ADAMTSL1: variants seen among roughly 807,000 people sequenced by gnomAD.
ADAMTSL1 encodes ADAMTS-like protein 1.
In ADAMTSL1, 126 loss-of-function variants were observed where a neutral mutation model predicts 201.8. That is an observed-to-expected ratio of 0.62 (90% CI 0.54 to 0.72). The LOEUF is 0.72. ADAMTSL1 is among the 30% of genes least tolerant of loss of function. ADAMTSL1 has a pLI of 0.00. For synonymous variants in ADAMTSL1, 1,121 were observed against 903.4 expected (o/e 1.24, Z -4.32); for missense variants, 2,679 against 2,277.8 (o/e 1.18, Z -3.59).
At chr9:18,138,001 A>C (rs1012159377) in intron 1 of ADAMTSL1, among the ~76,000 whole-genome samples, 1 of 152,160 alleles carries the variant, frequency 6.6e-6, no homozygotes, top group African/African-American at 2.4e-5. Context: ...ACTCTCCAGA[A>C]GCCCTGAGAT....
At chr9:18,759,082 T>C (rs916853202) in intron 16 of ADAMTSL1, among the ~76,000 whole-genome samples, 3 of 152,210 alleles carry the variant, frequency 2.0e-5, no homozygotes, top group Admixed American at 1.3e-4. Flanking sequence ...ATATTGCATA[T>C]GTTTTATGTT....
intron 2 of ADAMTSL1, among the ~76,000 whole-genome samples, chr9:18,516,582 A>C (rs11792817): frequency 0.2 from 30,709 of 152,190 alleles, 3,333 homozygotes; most frequent in Middle Eastern, 0.27. Context: ...GTGGATTATT[A>C]CTTCTATTTT....
intron 1 of ADAMTSL1, among the ~76,000 whole-genome samples, chr9:18,118,344 T>G (rs1335097649): frequency 6.6e-6 from 1 of 152,192 alleles, no homozygotes; most frequent in Non-Finnish European, 1.5e-5. Flanking sequence ...CTATTTTGAT[T>G]TAAGATGCTG....
At chr9:18,818,276 G>A (rs1018950290) in intron 21 of ADAMTSL1, among the ~76,000 whole-genome samples, 10 of 150,250 alleles carry the variant, frequency 6.7e-5, no homozygotes, top group African/African-American at 2.5e-4. Context: ...CAGGTTCCCC[G>A]ATCATACCCT....
At chr9:18,552,495 A>G (rs967715422) in intron 3 of ADAMTSL1, among the ~76,000 whole-genome samples, 2 of 151,786 alleles carry the variant, frequency 1.3e-5, no homozygotes, top group African/African-American at 4.8e-5. Flanking sequence ...CCTGTTATCC[A>G]CACTTTCTTG....
Position 18,777,667 on chromosome 9 carries a change from G to T in ADAMTSL1, c.3438G>T (p.Arg1146=). The change falls in exon 19 of 29, where the codon CGG becomes CGT. Residue 1146 remains arginine (R), a synonymous_variant. Transcript: ENST00000380548. ...KHVSGFSSSL[R]TSSTGDAGGG... ...TGTCTGGCTTCAGCAGCTCCCTGCG[G>T]ACCTCCTCCACCGGGGACGCCGGGG... is the stretch of plus-strand genomic sequence containing the variant. 1 of 1,613,630 alleles carries T rather than the reference G, an allele frequency of 6.2e-7. No individual in the cohort carries two copies. Among genetic ancestry groups the T allele is most frequent in the Non-Finnish European group, 8.5e-7 (1 of 1,179,826 alleles).
At chr9:18,107,385 C>T (rs893714511) in intron 1 of ADAMTSL1, among the ~76,000 whole-genome samples, 1 of 152,170 alleles carries the variant, frequency 6.6e-6, no homozygotes, top group African/African-American at 2.4e-5. Context: ...CTTCCTCCTG[C>T]AGCAGAAGCA....
At chr9:18,287,358 T>C (rs372182546) in intron 2 of ADAMTSL1, among the ~76,000 whole-genome samples, 5 of 152,050 alleles carry the variant, frequency 3.3e-5, no homozygotes, top group Admixed American at 2.6e-4. Context: ...TACACATACA[T>C]ACATATACAC....
intron 1 of ADAMTSL1, among the ~76,000 whole-genome samples, chr9:18,004,323 G>T (rs921860915): frequency 6.6e-6 from 1 of 151,976 alleles, no homozygotes; most frequent in Non-Finnish European, 1.5e-5. Flanking sequence ...GGGAGGGAAG[G>T]GGCTTTATTT....
At chr9:18,681,699 G>GTGTGT in intron 11 of ADAMTSL1, 113 bp from the exon 12 acceptor site, 1 of 287,436 alleles carries the variant, frequency 3.5e-6, no homozygotes, top group Non-Finnish European at 5.1e-6. Flanking sequence ...TCCTCGTGTG[G>GTGTGT]GGGGGGGGGG....
chr9:18,698,336 A>G (rs1429901320), intron 13 of ADAMTSL1, among the ~76,000 whole-genome samples: 1 of 152,092 alleles, frequency 6.6e-6, no homozygotes, highest in East Asian at 1.9e-4. Context: ...GCTGGAGTGC[A>G]GTGGCATGAT....
chr9:18,722,837 A>G (rs1833477428), intron 15 of ADAMTSL1, among the ~76,000 whole-genome samples: 1 of 152,234 alleles, frequency 6.6e-6, no homozygotes, highest in South Asian at 2.1e-4. Flanking sequence ...AACAGCAGTC[A>G]ACAAGATAGA....
intron 23 of ADAMTSL1, among the ~76,000 whole-genome samples, chr9:18,836,754 G>C (rs997707883): frequency 6.6e-6 from 1 of 152,102 alleles, no homozygotes; most frequent in Non-Finnish European, 1.5e-5. Context: ...TCCATTTATG[G>C]ATGTCATCTA....
chr9:18,774,648 T>G (rs999477742), intron 17 of ADAMTSL1, among the ~76,000 whole-genome samples: 2 of 152,204 alleles, frequency 1.3e-5, no homozygotes, highest in Non-Finnish European at 1.5e-5. Context: ...GAGGTATAAT[T>G]TATATATTAT....
intron 1 of ADAMTSL1, among the ~76,000 whole-genome samples, chr9:18,108,766 A>T (rs1824872262): frequency 6.6e-6 from 1 of 152,020 alleles, no homozygotes; most frequent in African/African-American, 2.4e-5. Context: ...TTGATGAGAG[A>T]ATTAGCTCTT....
intron 2 of ADAMTSL1, among the ~76,000 whole-genome samples, chr9:18,213,122 A>T (rs962741279): frequency 2.0e-5 from 3 of 152,130 alleles, no homozygotes; most frequent in Non-Finnish European, 4.4e-5. Context: ...CACTTACCAC[A>T]TGACTTGAAA....
chr9:18,271,286 C>T (rs1274191276), intron 2 of ADAMTSL1, among the ~76,000 whole-genome samples: 1 of 152,102 alleles, frequency 6.6e-6, no homozygotes, highest in Non-Finnish European at 1.5e-5. Context: ...CACCCATTAA[C>T]TCGTCATTTA....
chr9:18,755,208 T>C (rs1819683621), intron 16 of ADAMTSL1, among the ~76,000 whole-genome samples: 1 of 152,194 alleles, frequency 6.6e-6, no homozygotes, highest in Non-Finnish European at 1.5e-5. Flanking sequence ...ACCTGATTGC[T>C]AGTGCATTTA....
intron 26 of ADAMTSL1, among the ~76,000 whole-genome samples, chr9:18,895,320 C>A (rs942047743): frequency 9.9e-5 from 15 of 152,192 alleles, no homozygotes; most frequent in African/African-American, 3.6e-4. Context: ...TATAAGTGCT[C>A]TGGAAAACAG....
Sources: gnomAD v4.1 joint callset for allele counts (sites outside exome capture counted in the v4.1 genomes callset) on GRCh38, gnomAD v4.1.1 for gene constraint, MANE v1.5 for transcripts, NCBI Gene and HGNC (gene_info 2026-07-23, HGNC 2026-07-21) for gene names.